TP63: variants seen among roughly 807,000 people sequenced by gnomAD.
TP63 encodes tumor protein 63.
Under a neutral mutation model 82.8 loss-of-function variants are expected in TP63, and 17 were observed. That is an observed-to-expected ratio of 0.21 (90% CI 0.14 to 0.31). TP63 has a LOEUF of 0.31. Ranked by LOEUF, TP63 falls within the 10% of genes least tolerant of loss-of-function variation. The pLI is 1.00. For synonymous variants in TP63, 330 were observed against 321.7 expected (o/e 1.03, Z -0.28); for missense variants, 648 against 895.3 (o/e 0.72, Z 3.52).
At chr3:189,880,532 T>C in intron 10 of TP63, 1 of 992,376 alleles carries the variant, frequency 1.0e-6, no homozygotes, top group Non-Finnish European at 1.2e-6. Flanking sequence ...TCTGTCTTCT[T>C]CTGTTGTTTT....
At chr3:189,619,246 G>A in the TP63 span, among the ~76,000 whole-genome samples, 6 of 152,274 alleles carry the variant, frequency 3.9e-5, no homozygotes, top group Admixed American at 6.5e-5. Context: ...GCATTTGAGA[G>A]GGGGGATATA....
chr3:189,788,587 G>A (rs935235023), intron 3 of TP63, among the ~76,000 whole-genome samples: 8 of 151,896 alleles, frequency 5.3e-5, no homozygotes, highest in African/African-American at 1.9e-4. Flanking sequence ...AGTGGGGGGT[G>A]GGGGTGTAGG....
intron 3 of TP63, among the ~76,000 whole-genome samples, chr3:189,770,876 C>A (rs1481923195): frequency 1.3e-5 from 2 of 151,994 alleles, no homozygotes; most frequent in African/African-American, 4.8e-5. Context: ...AAGCTAATTG[C>A]AGTAAAGATT....
At chr3:189,869,890 G>A (rs572353791) in intron 9 of TP63, among the ~76,000 whole-genome samples, 2 of 152,054 alleles carry the variant, frequency 1.3e-5, no homozygotes, top group South Asian at 2.1e-4. Context: ...GAGGGGAGAC[G>A]GTTGAGAGCT....
At chr3:189,639,704 A>T (rs1711644883) in intron 1 of TP63, among the ~76,000 whole-genome samples, 1 of 152,150 alleles carries the variant, frequency 6.6e-6, no homozygotes, top group Non-Finnish European at 1.5e-5. Context: ...AGACTGAGAA[A>T]GCATTTTGAG....
intron 3 of TP63, among the ~76,000 whole-genome samples, chr3:189,741,332 G>A (rs1720971243): frequency 6.6e-6 from 1 of 152,152 alleles, no homozygotes; most frequent in Admixed American, 6.5e-5. Flanking sequence ...AATGGAGTTG[G>A]ATAACAAGAA....
chr3:189,800,540 G>C (rs1160786567), intron 3 of TP63, among the ~76,000 whole-genome samples: 7 of 151,390 alleles, frequency 4.6e-5, no homozygotes, highest in African/African-American at 1.7e-4. Context: ...GTAACTTTCA[G>C]ATAAAAATTC....
At chr3:189,740,790 AC>A (rs1720926346) in intron 3 of TP63, among the ~76,000 whole-genome samples, 1 of 152,020 alleles carries the variant, frequency 6.6e-6, no homozygotes, top group Non-Finnish European at 1.5e-5. Flanking sequence ...ATGAGCCACC[AC>A]ACCTGTTTTT....
At chr3:189,867,767 G>T in intron 6 of TP63, 66 bp from the exon 7 acceptor site, 1 of 1,399,482 alleles carries the variant, frequency 7.1e-7, no homozygotes, top group South Asian at 1.2e-5. Context: ...ATAGAGGGAA[G>T]AACTGAGAAG....
chr3:189,624,177 T>C, the TP63 span, among the ~76,000 whole-genome samples: 2 of 152,188 alleles, frequency 1.3e-5, no homozygotes, highest in South Asian at 4.1e-4. Flanking sequence ...ATTAATGCCA[T>C]GTACCATATT....
chr3:189,883,046 G>T (rs1184226942), intron 10 of TP63, among the ~76,000 whole-genome samples: 1 of 152,148 alleles, frequency 6.6e-6, no homozygotes, highest in Admixed American at 6.5e-5. Context: ...TTGGGTTTTG[G>T]ATAGGAGAGG....
At position 189,643,235 on chromosome 3, in the gene TP63, A is replaced by C. The variant is rs180789319; in HGVS notation, c.62+11658A>C. On this transcript the variant is annotated intron_variant, in intron 1 of 13. Coordinates refer to ENST00000264731, the MANE Select transcript of TP63 (RefSeq NM_003722.5). The stretch of plus-strand genomic sequence containing the variant: ...AGGCTGGTCTCGAACTCCTGACCCC[A>C]GGTGATCTGCCCGCCTCAGCCTCTC... Among the ~76,000 whole-genome samples the C allele has an allele frequency of 2.7e-3, 413 of 152,228 alleles. 1 individual carries two copies. Among genetic ancestry groups the C allele is most frequent in the African/African-American group, 9.6e-3 (398 of 41,548 alleles).
At chr3:189,885,313 G>T (rs182457112) in intron 10 of TP63, among the ~76,000 whole-genome samples, 46 of 152,246 alleles carry the variant, frequency 3.0e-4, no homozygotes, top group African/African-American at 1.1e-3. Context: ...AAGGTAGGAT[G>T]GATTATTATA....
chr3:189,870,746 A>G (rs1718319249), intron 9 of TP63, among the ~76,000 whole-genome samples: 1 of 152,152 alleles, frequency 6.6e-6, no homozygotes, highest in African/African-American at 2.4e-5. Context: ...GGTCTTTGCC[A>G]TGTAGGGTGG....
chr3:189,885,228 A>G (rs1720319506), intron 10 of TP63, among the ~76,000 whole-genome samples: 1 of 152,168 alleles, frequency 6.6e-6, no homozygotes, highest in African/African-American at 2.4e-5. Flanking sequence ...TGGTCACAGT[A>G]ATTCAGTGTA....
At chr3:189,837,517 T>G (rs1022390542) in intron 4 of TP63, among the ~76,000 whole-genome samples, 2 of 86,082 alleles carry the variant, frequency 2.3e-5, no homozygotes. Flanking sequence ...AAATTTTTAC[T>G]TATCCTTTCT....
intron 4 of TP63, among the ~76,000 whole-genome samples, chr3:189,860,961 A>G (rs1019952923): frequency 5.3e-5 from 8 of 152,184 alleles, no homozygotes; most frequent in Non-Finnish European, 1.0e-4. Flanking sequence ...AACAGTGAAC[A>G]TTGTACCCAA....
At position 189,744,184 on chromosome 3, in the gene TP63, C is replaced by G. The variant is rs150561055; in HGVS notation, c.324+5410C>G. On this transcript the variant is annotated intron_variant, in intron 3 of 13. Coordinates refer to ENST00000264731, the MANE Select transcript of TP63 (RefSeq NM_003722.5). Reference sequence around the variant, plus strand: ...CCACAGTCAGTGACCCCTTCACCCCCCAACAGAGTAGCAGTGACACATTTT... The same window carrying G: ...CCACAGTCAGTGACCCCTTCACCCCGCAACAGAGTAGCAGTGACACATTTT... 1.6e-3 allele frequency among the ~76,000 whole-genome samples: 245 copies of G among 152,136 alleles called. 4 individuals carry two copies. Among genetic ancestry groups the G allele is most frequent in the Non-Finnish European group, 6.3e-4 (43 of 68,026 alleles).
chr3:189,818,720 G>GA (rs144402503), intron 4 of TP63, among the ~76,000 whole-genome samples: 1 of 151,746 alleles, frequency 6.6e-6, no homozygotes. Context: ...TTGCTTGTAA[G>GA]AAAAAAAACT....
Sources: allele counts gnomAD v4.1 joint callset (sites outside exome capture counted in the v4.1 genomes callset), GRCh38; gene constraint gnomAD v4.1.1; transcripts MANE v1.5; gene names NCBI Gene and HGNC (gene_info 2026-07-23, HGNC 2026-07-21).